SCHIP1: variants seen among roughly 807,000 people sequenced by gnomAD.
SCHIP1 encodes the protein schwannomin-interacting protein 1.
Under a neutral mutation model 29.7 loss-of-function variants are expected in SCHIP1, and 8 were observed. The ratio of observed to expected loss-of-function variants is 0.27; its 90% CI spans 0.16 to 0.49. The LOEUF (loss-of-function observed/expected upper bound fraction) is 0.49, where lower values mean the gene tolerates loss of function less well. Ranked by LOEUF, SCHIP1 falls within the 20% of genes least tolerant of loss-of-function variation. The probability of loss-of-function intolerance (pLI) is 0.99; values close to 1 mark genes in which losing one functional copy is unlikely to be tolerated. For synonymous variants in SCHIP1, 76 were observed against 94.9 expected, an observed-to-expected ratio of 0.80 and a Z score of 1.16; for missense variants, 193 against 294.6, an observed-to-expected ratio of 0.66 and a Z score of 2.52.
At chr3:159,287,075 A>G in the SCHIP1 span, among the ~76,000 whole-genome samples, 520 of 152,128 alleles carry the variant, frequency 3.4e-3, 7 homozygotes, top group African/African-American at 0.011. Flanking sequence ...TAGTTTAGTT[A>G]GGTCTCATTT....
chr3:159,508,206 T>C, the SCHIP1 span, among the ~76,000 whole-genome samples: 1 of 152,230 alleles, frequency 6.6e-6, no homozygotes, highest in African/African-American at 2.4e-5. Context: ...AGGGTGTATG[T>C]GTCGAGGAAT....
chr3:159,369,865 C>T, the SCHIP1 span, among the ~76,000 whole-genome samples: 1 of 152,114 alleles, frequency 6.6e-6, no homozygotes, highest in African/African-American at 2.4e-5. Flanking sequence ...ATCAACTGGT[C>T]CTAGACATAA....
chr3:159,296,141 C>CTT, the SCHIP1 span, among the ~76,000 whole-genome samples: 115 of 144,438 alleles, frequency 8.0e-4, no homozygotes, highest in Middle Eastern at 3.6e-3. Flanking sequence ...GCTTGCTGCT[C>CTT]TTTTTTTTTT....
chr3:159,764,717 G>A, the SCHIP1 span: 12 of 1,575,866 alleles, frequency 7.6e-6, no homozygotes, highest in Admixed American at 1.8e-5. This position sits in a 1 kb window ranked among gnomAD's most constrained non-coding sequence, Gnocchi z 6.1. Context: ...CGAGGGTACC[G>A]GGATGACCGC....
intron 1 of SCHIP1, among the ~76,000 whole-genome samples, chr3:159,844,022 C>A (rs1711509084): frequency 6.6e-6 from 1 of 152,088 alleles, no homozygotes; most frequent in Non-Finnish European, 1.5e-5. Flanking sequence ...CAGTTAACTT[C>A]CTGGCATAAG....
chr3:159,516,563 C>T, the SCHIP1 span, among the ~76,000 whole-genome samples: 1 of 152,124 alleles, frequency 6.6e-6, no homozygotes, highest in Non-Finnish European at 1.5e-5. Flanking sequence ...CTCTCCAACC[C>T]CTCCTTCCAT....
At chr3:159,692,537 C>A in the SCHIP1 span, among the ~76,000 whole-genome samples, 10 of 152,136 alleles carry the variant, frequency 6.6e-5, no homozygotes, top group Admixed American at 6.5e-4. Flanking sequence ...TTTGTTTATG[C>A]TTCATGAAGT....
At chr3:159,818,732 G>A in the SCHIP1 span, among the ~76,000 whole-genome samples, 3 of 152,244 alleles carry the variant, frequency 2.0e-5, no homozygotes, top group Non-Finnish European at 4.4e-5. Flanking sequence ...CAGAGCAAAG[G>A]TCAGCTGTGT....
At chr3:159,692,814 TTATC>T in the SCHIP1 span, among the ~76,000 whole-genome samples, 1 of 152,202 alleles carries the variant, frequency 6.6e-6, no homozygotes, top group Non-Finnish European at 1.5e-5. Flanking sequence ...GAGCAACTTT[TTATC>T]TAGTTCCTAC....
the SCHIP1 span, among the ~76,000 whole-genome samples, chr3:159,410,130 T>A: frequency 6.6e-6 from 1 of 152,094 alleles, no homozygotes; most frequent in Non-Finnish European, 1.5e-5. Context: ...CAAATCAAAA[T>A]TGACTAAATA....
chr3:159,391,328 T>G, the SCHIP1 span, among the ~76,000 whole-genome samples: 1 of 152,218 alleles, frequency 6.6e-6, no homozygotes. Context: ...GTTCAGGGTC[T>G]TCTTTTCTTG....
intron 6 of SCHIP1, 39 bp downstream of exon 7, chr3:159,892,229 A>G: frequency 6.2e-7 from 1 of 1,611,832 alleles, no homozygotes; most frequent in Non-Finnish European, 8.5e-7. Context: ...AGAAAAGCCC[A>G]GGGTGGTCTG....
At chr3:159,675,680 C>T in the SCHIP1 span, among the ~76,000 whole-genome samples, 4 of 152,154 alleles carry the variant, frequency 2.6e-5, no homozygotes, top group Admixed American at 6.5e-5. Flanking sequence ...ACTTATTAGG[C>T]CAGTTTTACT....
the SCHIP1 span, among the ~76,000 whole-genome samples, chr3:159,615,896 A>G: frequency 2.6e-5 from 4 of 152,222 alleles, no homozygotes; most frequent in Non-Finnish European, 5.9e-5. Flanking sequence ...ATATTTGTCT[A>G]TCCAGAGAGG....
At chr3:159,604,649 A>G in the SCHIP1 span, among the ~76,000 whole-genome samples, 2 of 152,218 alleles carry the variant, frequency 1.3e-5, no homozygotes, top group African/African-American at 2.4e-5. Flanking sequence ...TGAACTAAAA[A>G]CAGGCAAATA....
the SCHIP1 span, among the ~76,000 whole-genome samples, chr3:159,707,462 T>G: frequency 1.1e-4 from 17 of 152,194 alleles, no homozygotes; most frequent in African/African-American, 4.1e-4. Flanking sequence ...CAAGCCAATG[T>G]GTAGTGTTTA....
the SCHIP1 span, among the ~76,000 whole-genome samples, chr3:159,618,230 A>C: frequency 6.6e-6 from 1 of 152,216 alleles, no homozygotes; most frequent in Non-Finnish European, 1.5e-5. Flanking sequence ...CTCTATATGG[A>C]GAAGGAAAAT....
chr3:159,832,806 T>C, the SCHIP1 span, among the ~76,000 whole-genome samples: 1 of 152,204 alleles, frequency 6.6e-6, no homozygotes, highest in Non-Finnish European at 1.5e-5. Flanking sequence ...CCTACCCTTA[T>C]CTGCAGTCTC....
chr3:159,320,719 A>G, the SCHIP1 span, among the ~76,000 whole-genome samples: 14 of 152,032 alleles, frequency 9.2e-5, no homozygotes, highest in East Asian at 2.3e-3. Flanking sequence ...AATTTCTACA[A>G]TTTCCAAAAA....
Sources: gnomAD v4.1 joint callset for allele counts (sites outside exome capture counted in the v4.1 genomes callset) on GRCh38, gnomAD v4.1.1 for gene constraint, Gnocchi (gnomAD v3.1) non-coding constraint, MANE v1.5 for transcripts, NCBI Gene and HGNC (gene_info 2026-07-23, HGNC 2026-07-21) for gene names.